The following DAPK1 variants were observed in gnomAD, a reference collection of about 807,000 sequenced individuals.
DAPK1 encodes the protein death-associated protein kinase 1.
In DAPK1, 56 loss-of-function variants were observed where a neutral mutation model predicts 144.9. The observed-to-expected ratio is 0.39, with a 90% CI of 0.31 to 0.48. DAPK1 has a LOEUF of 0.48. DAPK1 is among the 20% of genes least tolerant of loss of function. DAPK1 has a pLI of 0.95. For missense variants in DAPK1, 1,454 were observed against 1,875.4 expected (o/e 0.78, Z 4.15); for synonymous variants, 690 against 749.0 (o/e 0.92, Z 1.29).
chr9:87,556,333 TG>T (rs1826714027), intron 2 of DAPK1, among the ~76,000 whole-genome samples: 1 of 152,214 alleles, frequency 6.6e-6, no homozygotes, highest in African/African-American at 2.4e-5. Flanking sequence ...CAAGGTACTT[TG>T]CCCAAGCTTC....
intron 2 of DAPK1, among the ~76,000 whole-genome samples, chr9:87,571,520 CA>C (rs1374052233): frequency 1.4e-5 from 2 of 146,736 alleles, no homozygotes; most frequent in African/African-American, 5.1e-5. Context: ...CACACACACA[CA>C]CACACACCAG....
chr9:87,671,041 A>T (rs1831232636), intron 19 of DAPK1, among the ~76,000 whole-genome samples: 1 of 152,134 alleles, frequency 6.6e-6, no homozygotes, highest in Non-Finnish European at 1.5e-5. Context: ...ACCGAGGGAG[A>T]GCAGTGTTGC....
intron 10 of DAPK1, among the ~76,000 whole-genome samples, chr9:87,642,490 G>A (rs543142418): frequency 5.3e-5 from 8 of 152,232 alleles, no homozygotes; most frequent in South Asian, 4.1e-4. Flanking sequence ...GGGTGGGGCC[G>A]TGAGCATTTG....
intron 14 of DAPK1, among the ~76,000 whole-genome samples, chr9:87,647,689 G>A (rs145807506): frequency 6.6e-6 from 1 of 152,318 alleles, no homozygotes; most frequent in East Asian, 1.9e-4. Flanking sequence ...ACCAGAGAGA[G>A]ACCTCGGTCT....
intron 2 of DAPK1, among the ~76,000 whole-genome samples, chr9:87,512,050 A>G (rs1824869041): frequency 6.6e-6 from 1 of 151,930 alleles, no homozygotes; most frequent in Non-Finnish European, 1.5e-5. Flanking sequence ...AAGAGAAACC[A>G]TCTTTTATTT....
chr9:87,634,610 G>A (rs986499357), intron 3 of DAPK1, among the ~76,000 whole-genome samples: 1 of 152,218 alleles, frequency 6.6e-6, no homozygotes, highest in Non-Finnish European at 1.5e-5. Flanking sequence ...GCCTGAAGGA[G>A]GATGGCACAA....
At chr9:87,589,055 ATTTTTTTT>A (rs35875159) in intron 2 of DAPK1, among the ~76,000 whole-genome samples, 11 of 101,172 alleles carry the variant, frequency 1.1e-4, no homozygotes, top group East Asian at 5.1e-4. Context: ...CGCCCGGCTA[ATTTTTTTT>A]TTTTTTTTTT....
intron 25 of DAPK1, among the ~76,000 whole-genome samples, chr9:87,704,050 T>C (rs1460534772): frequency 6.6e-6 from 1 of 152,174 alleles, no homozygotes; most frequent in African/African-American, 2.4e-5. Flanking sequence ...GTATGAGTCA[T>C]ACAAATTTCT....
intron 19 of DAPK1, among the ~76,000 whole-genome samples, chr9:87,678,214 C>G (rs975350112): frequency 2.6e-5 from 4 of 152,192 alleles, no homozygotes; most frequent in Non-Finnish European, 4.4e-5. Flanking sequence ...GTGTCACGCT[C>G]CCTTGTAGAA....
At chr9:87,583,827 C>T in intron 2 of DAPK1, among the ~76,000 whole-genome samples, 1 of 152,194 alleles carries the variant, frequency 6.6e-6, no homozygotes, top group Non-Finnish European at 1.5e-5. Flanking sequence ...TTTCAGCCTA[C>T]CATGCTTTCT....
intron 2 of DAPK1, among the ~76,000 whole-genome samples, chr9:87,598,200 T>C (rs1828386764): frequency 1.3e-5 from 2 of 152,142 alleles, no homozygotes; most frequent in Admixed American, 6.5e-5. Context: ...TCTGCAAAAA[T>C]AGATCACCCA....
intron 2 of DAPK1, among the ~76,000 whole-genome samples, chr9:87,546,531 A>G (rs1826257485): frequency 6.6e-6 from 1 of 152,144 alleles, no homozygotes; most frequent in South Asian, 2.1e-4. Flanking sequence ...AGGTGAGTTT[A>G]CAGTTTCTAG....
intron 19 of DAPK1, chr9:87,668,916 C>T (rs1268456985): frequency 4.1e-6 from 2 of 483,276 alleles, no homozygotes; most frequent in African/African-American, 3.9e-5. Context: ...GCCTGGTTTT[C>T]CTTCTCCCAC....
chr9:87,608,373 A>G (rs1387136196), intron 3 of DAPK1, among the ~76,000 whole-genome samples: 1 of 152,104 alleles, frequency 6.6e-6, no homozygotes, highest in Non-Finnish European at 1.5e-5. Context: ...TTTTTTATAA[A>G]CCATTCACCC....
At chr9:87,563,378 A>AGTTAGTG (rs1326879625) in intron 2 of DAPK1, among the ~76,000 whole-genome samples, 3 of 152,204 alleles carry the variant, frequency 2.0e-5, no homozygotes, top group Non-Finnish European at 4.4e-5. Flanking sequence ...TTTGAAAGAT[A>AGTTAGTG]CAGTGTGAAC....
At chr9:87,509,889 C>G (rs1447665835) in intron 2 of DAPK1, among the ~76,000 whole-genome samples, 1 of 152,222 alleles carries the variant, frequency 6.6e-6, no homozygotes, top group African/African-American at 2.4e-5. Flanking sequence ...TCACTTGCTC[C>G]GTTCCTTTGC....
rs36203591 is a variant in DAPK1, at chr9:87,572,739, C to T, written c.63-32215C>T. On this transcript the variant is annotated intron_variant, in intron 2 of 25. Coordinates refer to ENST00000408954, the MANE Select transcript of DAPK1 (RefSeq NM_004938.4). ...AGCAGATGCCAGTGCCATGCTTATA[C>T]GGCCTGCAGAATCGTGAGCCAATTA... Among the ~76,000 whole-genome samples the T allele has an allele frequency of 6.1e-3, 926 of 152,204 alleles. 15 individuals are homozygous for T. The highest frequency in any genetic ancestry group is 0.022 in the African/African-American group (894 of 41,524).
At chr9:87,532,825 A>G (rs891641186) in intron 2 of DAPK1, among the ~76,000 whole-genome samples, 1 of 152,098 alleles carries the variant, frequency 6.6e-6, no homozygotes, top group Admixed American at 6.6e-5. Context: ...GGGAACGCCA[A>G]TTTGCCCTCC....
Position 87,563,048 on chromosome 9 carries a change from C to G in DAPK1, c.63-41906C>G, listed in dbSNP as rs571454643. 8.9e-4 allele frequency among the ~76,000 whole-genome samples: 135 copies of G among 152,292 alleles called. 1 individual carries two copies. The highest frequency in any genetic ancestry group is 8.8e-3 in the Admixed American group (134 of 15,296). On this transcript the variant is annotated intron_variant, in intron 2 of 25. Transcript: ENST00000408954. ...TGATGATCCGCCTAGAGATTTGGTA[C>G]TGGTGAATTTCAGGGGCAGATCTTG...
Sources: gnomAD v4.1 joint callset for allele counts (sites outside exome capture counted in the v4.1 genomes callset) on GRCh38, gnomAD v4.1.1 for gene constraint, MANE v1.5 for transcripts, NCBI Gene and HGNC (gene_info 2026-07-23, HGNC 2026-07-21) for gene names.